ZDHHC14: variants seen among roughly 807,000 people sequenced by gnomAD.
ZDHHC14 encodes palmitoyltransferase ZDHHC14.
A neutral mutation model predicts 47.7 loss-of-function variants in ZDHHC14; 16 were observed. The observed-to-expected ratio is 0.34, with a 90% CI of 0.23 to 0.51. The LOEUF (loss-of-function observed/expected upper bound fraction) is 0.51. Among genes scored for constraint, ZDHHC14 ranks in the 20% least tolerant of loss-of-function variants. The probability of loss-of-function intolerance (pLI) is 0.97; values close to 1 mark genes in which losing one functional copy is unlikely to be tolerated. For missense variants in ZDHHC14, 515 were observed against 662.5 expected (o/e 0.78, Z 2.44); for synonymous variants, 293 against 278.9 (o/e 1.05, Z -0.50).
At chr6:157,606,745 C>T (rs1784554393) in intron 3 of ZDHHC14, among the ~76,000 whole-genome samples, 1 of 152,210 alleles carries the variant, frequency 6.6e-6, no homozygotes, top group African/African-American at 2.4e-5. Context: ...AAGAACTTTG[C>T]TTCTAGGGTT....
chr6:157,563,061 G>A (rs1484539440), intron 2 of ZDHHC14, among the ~76,000 whole-genome samples: 1 of 152,174 alleles, frequency 6.6e-6, no homozygotes, highest in African/African-American at 2.4e-5. Context: ...GCGGTAAGAA[G>A]CCGGCTCCAC....
intron 1 of ZDHHC14, among the ~76,000 whole-genome samples, chr6:157,525,487 TG>T (rs750816926): frequency 4.6e-5 from 7 of 152,114 alleles, no homozygotes; most frequent in Admixed American, 1.3e-4. Flanking sequence ...GTTTACAGCA[TG>T]GCAGCTGGCT....
rs139266370 is a variant in ZDHHC14 at position 157,417,120 on chromosome 6, G to A, written c.245+34854G>A. Among the ~76,000 whole-genome samples, 280 of 151,242 alleles carry A rather than the reference G, an allele frequency of 1.9e-3. 2 individuals carry two copies. The highest frequency in any genetic ancestry group is 6.3e-3 in the African/African-American group (260 of 41,258). On this transcript the variant is annotated intron_variant, in intron 1 of 8. Coordinates refer to ENST00000359775, the MANE Select transcript of ZDHHC14 (RefSeq NM_024630.3). ...TAGGATCACAGGCATGAGCCACCGCGCCTGGCTCATTGTTAGCAATTTTAT... is the reference window on the plus strand; with the variant it reads ...TAGGATCACAGGCATGAGCCACCGCACCTGGCTCATTGTTAGCAATTTTAT...
intron 1 of ZDHHC14, among the ~76,000 whole-genome samples, chr6:157,458,728 G>A (rs1252486688): frequency 1.3e-5 from 2 of 151,796 alleles, no homozygotes; most frequent in African/African-American, 4.8e-5. Context: ...AGTGCATATA[G>A]ATCCTGTTGT....
chr6:157,384,085 G>GT (rs772340103), intron 1 of ZDHHC14, among the ~76,000 whole-genome samples: 2 of 152,130 alleles, frequency 1.3e-5, no homozygotes, highest in Admixed American at 6.5e-5. Flanking sequence ...TGTTCCTACA[G>GT]TTTTTTAAAA....
chr6:157,492,646 G>C lies in ZDHHC14; in HGVS notation c.246-49939G>C, dbSNP rs1287428064. Among the ~76,000 whole-genome samples, 3 of 152,222 alleles carry C rather than the reference G, an allele frequency of 2.0e-5. No individual in the cohort carries two copies. The East Asian group carries it at 5.8e-4, about 29-fold the overall frequency. ...CTGTGTTCTACCTGCTGGGACTATT[G>C]CAGTGAACTAAGCAAAGCCCCTGGC... On this transcript the variant is annotated intron_variant, in intron 1 of 8. Coordinates refer to ENST00000359775, the MANE Select transcript of ZDHHC14 (RefSeq NM_024630.3).
At chr6:157,602,509 C>T (rs1296948239) in intron 3 of ZDHHC14, among the ~76,000 whole-genome samples, 4 of 115,024 alleles carry the variant, frequency 3.5e-5, no homozygotes, top group East Asian at 2.4e-4. Flanking sequence ...AAAAAAAAAA[C>T]GCATTCAGTG....
chr6:157,654,531 G>A (rs1218176057), intron 8 of ZDHHC14, among the ~76,000 whole-genome samples: 2 of 152,050 alleles, frequency 1.3e-5, no homozygotes, highest in Non-Finnish European at 2.9e-5. Flanking sequence ...ACTGGACGTG[G>A]GCAGCAGCCC....
chr6:157,481,070 A>G (rs954663748), intron 1 of ZDHHC14, among the ~76,000 whole-genome samples: 1 of 152,226 alleles, frequency 6.6e-6, no homozygotes, highest in African/African-American at 2.4e-5. Context: ...ATTATTTTCT[A>G]TTTTAGCCTG....
intron 1 of ZDHHC14, among the ~76,000 whole-genome samples, chr6:157,465,185 T>C (rs1779183812): frequency 6.6e-6 from 1 of 151,982 alleles, no homozygotes; most frequent in Non-Finnish European, 1.5e-5. Context: ...TTTAATTTTC[T>C]TTTTAGAAAA....
In ZDHHC14 at chr6:157,404,167, C is replaced by T. The variant is rs533955400; in HGVS notation, c.245+21901C>T. ...TATTTATTTATTTTTGAGAGAGTCT[C>T]GCTCTGTCACCCAGGCTGGAGTGCA... On this transcript the variant is annotated intron_variant, in intron 1 of 8. Coordinates refer to ENST00000359775, the MANE Select transcript of ZDHHC14 (RefSeq NM_024630.3). 3.9e-4 allele frequency among the ~76,000 whole-genome samples: 59 copies of T among 152,304 alleles called. 1 individual carries two copies. The South Asian group carries it at 7.9e-3, about 20-fold the overall frequency.
intron 1 of ZDHHC14, among the ~76,000 whole-genome samples, chr6:157,490,417 T>C (rs1041035151): frequency 6.6e-6 from 1 of 152,170 alleles, no homozygotes; most frequent in Non-Finnish European, 1.5e-5. Context: ...CAGCAGGCAA[T>C]GAAGAAGCGC....
chr6:157,430,144 G>A (rs1028842522), intron 1 of ZDHHC14, among the ~76,000 whole-genome samples: 3 of 151,970 alleles, frequency 2.0e-5, no homozygotes, highest in South Asian at 2.1e-4. Flanking sequence ...GTGAAACCCC[G>A]TCTCTACTAA....
chr6:157,492,571 C>G (rs888947340), intron 1 of ZDHHC14, among the ~76,000 whole-genome samples: 11 of 152,212 alleles, frequency 7.2e-5, no homozygotes, highest in Non-Finnish European at 1.5e-4. Context: ...GAAGAGGAGG[C>G]GCTGTTTCTT....
intron 8 of ZDHHC14, among the ~76,000 whole-genome samples, chr6:157,667,086 A>G (rs1287134671): frequency 1.3e-5 from 2 of 152,370 alleles, no homozygotes; most frequent in East Asian, 3.9e-4. Context: ...TTTGACCTTA[A>G]AAATTGGTAA....
intron 8 of ZDHHC14, among the ~76,000 whole-genome samples, chr6:157,667,424 G>A (rs758554363): frequency 1.3e-5 from 2 of 151,908 alleles, no homozygotes; most frequent in Non-Finnish European, 2.9e-5. Flanking sequence ...AGGGAAAAGG[G>A]TTCAAAGTAA....
chr6:157,463,316 AT>A lies in ZDHHC14; in HGVS notation c.246-79263del, dbSNP rs1779139165. 1.3e-5 allele frequency among the ~76,000 whole-genome samples: 2 copies of A among 152,166 alleles called. No individual in the cohort carries two copies. The highest frequency in any genetic ancestry group is 4.8e-5 in the African/African-American group (2 of 41,432). ...AACAATTGAATAGTCCAGATTCATT[AT>A]TTTTTCCCCTCTTGCTATAAATGAA... On this transcript the variant is annotated intron_variant, in intron 1 of 8. Coordinates refer to ENST00000359775, the MANE Select transcript of ZDHHC14 (RefSeq NM_024630.3). This position sits in a 1 kb window ranked among gnomAD's most constrained non-coding sequence, Gnocchi z 4.4.
At chr6:157,505,251 T>C (rs1780298373) in intron 1 of ZDHHC14, among the ~76,000 whole-genome samples, 1 of 152,248 alleles carries the variant, frequency 6.6e-6, no homozygotes, top group Admixed American at 6.5e-5. Context: ...TCCAACGGTA[T>C]TGGTAATGGG....
At chr6:157,477,445 A>C (rs976461985) in intron 1 of ZDHHC14, among the ~76,000 whole-genome samples, 3 of 152,206 alleles carry the variant, frequency 2.0e-5, no homozygotes, top group Non-Finnish European at 4.4e-5. Context: ...ATTATCTTAA[A>C]TATAGATAAC....
Sources: gnomAD v4.1 joint callset for allele counts (sites outside exome capture counted in the v4.1 genomes callset) on GRCh38, gnomAD v4.1.1 for gene constraint, Gnocchi (gnomAD v3.1) non-coding constraint, MANE v1.5 for transcripts, NCBI Gene and HGNC (gene_info 2026-07-23, HGNC 2026-07-21) for gene names.